Variants in CLASP1 observed in about 807,000 individuals in gnomAD.
CLASP1 encodes cytoplasmic linker associated protein 1.
Under a neutral mutation model 192.3 loss-of-function variants are expected in CLASP1, and 38 were observed. The observed-to-expected ratio is 0.20, with a 90% CI of 0.15 to 0.26. The LOEUF is 0.26. Among genes scored for constraint, CLASP1 ranks in the 10% least tolerant of loss-of-function variants. CLASP1 has a pLI of 1.00. For missense variants in CLASP1, 1,433 were observed against 1,932.5 expected, an observed-to-expected ratio of 0.74 and a Z score of 4.85; for synonymous variants, 691 against 712.8, an observed-to-expected ratio of 0.97 and a Z score of 0.49.
In CLASP1 at chr2:121,347,189, A is replaced by T. The variant is rs750426927; in HGVS notation, c.4414-35T>A. 2.9e-6 allele frequency: 4 copies of T among 1,383,820 alleles called. No homozygotes were observed. In the South Asian group the frequency reaches 3.7e-5, roughly 13 times the overall value. 85.7% of individuals were successfully genotyped at this position (1,383,820 alleles called of 1,614,324 possible). ...CAGAAGGGAACACGAAAAGGAAACC[A>T]GATCAAAGATTCATTCCATAGCCAA... On this transcript the variant is annotated intron_variant, in intron 38 of 39. Transcript: ENST00000263710.
At chr2:121,470,973 G>T (rs2090615127) in intron 8 of CLASP1, among the ~76,000 whole-genome samples, 1 of 152,084 alleles carries the variant, frequency 6.6e-6, no homozygotes, top group South Asian at 2.1e-4. Flanking sequence ...AACAGCAGTG[G>T]ATCCAATCAA....
At chr2:121,381,230 T>G (rs377654610) in intron 33 of CLASP1, among the ~76,000 whole-genome samples, 6 of 152,218 alleles carry the variant, frequency 3.9e-5, no homozygotes, top group Admixed American at 3.3e-4. Context: ...CTATGTAGAT[T>G]ATTTGTATTC....
intron 32 of CLASP1, among the ~76,000 whole-genome samples, chr2:121,385,409 G>A (rs1466518518): frequency 6.6e-6 from 1 of 152,140 alleles, no homozygotes; most frequent in East Asian, 1.9e-4. Context: ...ACTGAATATT[G>A]AAAATAAATC....
intron 37 of CLASP1, among the ~76,000 whole-genome samples, chr2:121,356,487 G>A (rs1383298581): frequency 1.3e-5 from 2 of 152,224 alleles, no homozygotes; most frequent in African/African-American, 4.8e-5. Flanking sequence ...TAAGTCTGGA[G>A]ACCTGAGTTT....
intron 19 of CLASP1, among the ~76,000 whole-genome samples, chr2:121,441,697 T>G (rs1451539261): frequency 6.6e-6 from 1 of 151,910 alleles, no homozygotes; most frequent in Non-Finnish European, 1.5e-5. Context: ...TGAGCTGTAA[T>G]AGCACCACTG....
At chr2:121,640,914 T>C (rs948045822) in intron 1 of CLASP1, among the ~76,000 whole-genome samples, 1 of 152,208 alleles carries the variant, frequency 6.6e-6, no homozygotes, top group African/African-American at 2.4e-5. Flanking sequence ...TTCTATCTCA[T>C]GGTAATTGCT....
At chr2:121,376,205 T>G (rs1427254793) in intron 34 of CLASP1, among the ~76,000 whole-genome samples, 1 of 152,170 alleles carries the variant, frequency 6.6e-6, no homozygotes, top group African/African-American at 2.4e-5. Context: ...GAAATCAGTA[T>G]ATCAAAGAGA....
At position 121,490,170 on chromosome 2, in the gene CLASP1, T is replaced by C. The variant is rs554149395; in HGVS notation, c.712+12997A>G. ...TCATAACAATCTTTCCCATGTTTCA[T>C]CCATGATTTTTAGTTACCACAGGAA... On this transcript the variant is annotated intron_variant, in intron 8 of 39. Coordinates refer to ENST00000263710, the Ensembl canonical transcript of CLASP1. The C allele has an allele frequency of 1.6e-5, 6 of 364,622 alleles. No individual in the cohort carries two copies. In the East Asian group the frequency reaches 3.6e-4, roughly 22 times the overall value. 22.6% of individuals were successfully genotyped at this position (364,622 alleles called of 1,614,324 possible). A position where few individuals can be genotyped will look rare whatever the true frequency, so the allele number is the denominator to read the frequency against.
chr2:121,482,314 G>A (rs1415720142), intron 8 of CLASP1, among the ~76,000 whole-genome samples: 3 of 152,058 alleles, frequency 2.0e-5, no homozygotes, highest in African/African-American at 7.2e-5. Flanking sequence ...TGCCCATCGG[G>A]ACACTAGGGA....
intron 2 of CLASP1, among the ~76,000 whole-genome samples, chr2:121,531,766 G>A (rs940187790): frequency 2.0e-5 from 3 of 151,748 alleles, no homozygotes; most frequent in African/African-American, 7.3e-5. Flanking sequence ...TACTTGGGAG[G>A]CTGAGGCAGG....
At chr2:121,621,836 G>A (rs2067406777) in intron 1 of CLASP1, among the ~76,000 whole-genome samples, 1 of 151,926 alleles carries the variant, frequency 6.6e-6, no homozygotes. Flanking sequence ...TAGGCAACTG[G>A]GTTTTTTTGT....
intron 6 of CLASP1, among the ~76,000 whole-genome samples, chr2:121,518,589 C>T (rs971191135): frequency 3.3e-5 from 5 of 151,960 alleles, no homozygotes; most frequent in African/African-American, 4.8e-5. Context: ...AAAATGCGGT[C>T]GGGCGCGGTG....
At chr2:121,605,929 G>A (rs2080990212) in exon 2 of CLASP1, 6 of 1,603,588 alleles carry the variant, frequency 3.7e-6, no homozygotes, top group Non-Finnish European at 5.1e-6. Context: ...GCAAAAGCTA[G>A]AGGGCAGTCA....
chr2:121,513,636 G>A (rs911487628), intron 7 of CLASP1, among the ~76,000 whole-genome samples: 1 of 152,188 alleles, frequency 6.6e-6, no homozygotes, highest in East Asian at 1.9e-4. Context: ...CATAGTCACA[G>A]CTGTGATTTT....
intron 8 of CLASP1, among the ~76,000 whole-genome samples, chr2:121,479,054 CCCCA>C (rs1575292641): frequency 4.1e-5 from 4 of 96,774 alleles, no homozygotes; most frequent in East Asian, 6.2e-4. Context: ...CACACCCCCC[CCCCA>C]CACACACACA....
chr2:121,637,114 G>A (rs2071027667), intron 1 of CLASP1, among the ~76,000 whole-genome samples: 1 of 152,068 alleles, frequency 6.6e-6, no homozygotes. Flanking sequence ...ATCTGTTTTT[G>A]GGACACAAAC....
rs190748617 is a variant in CLASP1 at position 121,369,638 on chromosome 2, C to T, written c.3643-1807G>A. 7.4e-4 allele frequency among the ~76,000 whole-genome samples: 112 copies of T among 152,276 alleles called. 1 individual carries two copies. The highest frequency in any genetic ancestry group is 2.5e-3 in the African/African-American group (103 of 41,566). ...ACGCAGGCTTTACGCAGCAGGAACCCGGTGTGCACGCTGGCTTCTGTTTTC... is the reference window on the plus strand; with the variant it reads ...ACGCAGGCTTTACGCAGCAGGAACCTGGTGTGCACGCTGGCTTCTGTTTTC... On this transcript the variant is annotated intron_variant, in intron 34 of 39. Coordinates refer to ENST00000263710, the Ensembl canonical transcript of CLASP1.
intron 37 of CLASP1, among the ~76,000 whole-genome samples, chr2:121,350,764 C>T (rs978167666): frequency 2.6e-5 from 4 of 152,194 alleles, no homozygotes; most frequent in African/African-American, 9.6e-5. Flanking sequence ...GCTACTCACA[C>T]CCACTACCTG....
intron 2 of CLASP1, among the ~76,000 whole-genome samples, chr2:121,573,363 T>A (rs1182977382): frequency 6.6e-6 from 1 of 152,248 alleles, no homozygotes; most frequent in East Asian, 1.9e-4. Context: ...AAGTCCTTTT[T>A]TAAGTGTCTT....
Sources: allele counts gnomAD v4.1 joint callset (sites outside exome capture counted in the v4.1 genomes callset), GRCh38; gene constraint gnomAD v4.1.1; transcripts MANE v1.5; gene names NCBI Gene and HGNC (gene_info 2026-07-23, HGNC 2026-07-21).